The following RALA variants were observed in gnomAD, a reference collection of about 807,000 sequenced individuals.
RALA encodes ras-related protein Ral-A.
RALA carries 5 observed loss-of-function variants against 24.0 expected under a neutral mutation model. The ratio of observed to expected loss-of-function variants is 0.21; its 90% CI spans 0.11 to 0.44. The LOEUF (loss-of-function observed/expected upper bound fraction) is 0.44, where lower values mean the gene tolerates loss of function less well. Among genes scored for constraint, RALA ranks in the 20% least tolerant of loss-of-function variants. The pLI is 0.99. For missense variants in RALA, 95 were observed against 241.2 expected (o/e 0.39, Z 4.01); for synonymous variants, 77 against 83.8 (o/e 0.92, Z 0.44).
intron 1 of RALA, among the ~76,000 whole-genome samples, chr7:39,655,812 T>A (rs1466083187): frequency 6.6e-6 from 1 of 152,094 alleles, no homozygotes; most frequent in Non-Finnish European, 1.5e-5. Context: ...CCCCAAATTT[T>A]CCACAATTAT....
intron 1 of RALA, among the ~76,000 whole-genome samples, chr7:39,662,112 C>T (rs1792202482): frequency 3.9e-5 from 6 of 152,124 alleles, no homozygotes; most frequent in African/African-American, 1.4e-4. Flanking sequence ...GGCACCAAGT[C>T]CCTAGGCTAC....
intron 1 of RALA, among the ~76,000 whole-genome samples, chr7:39,660,093 C>A (rs535424467): frequency 1.8e-3 from 276 of 152,110 alleles, no homozygotes; most frequent in African/African-American, 5.9e-3. Context: ...CGACTGTAAT[C>A]CCAGCACTTT....
intron 1 of RALA, among the ~76,000 whole-genome samples, chr7:39,652,418 T>C (rs1361748579): frequency 6.6e-6 from 1 of 152,224 alleles, no homozygotes; most frequent in Non-Finnish European, 1.5e-5. Flanking sequence ...GTATAAGTTT[T>C]ATGATATTTG....
Position 39,706,441 on chromosome 7 carries a change from A to G in RALA, c.*196A>G. 1.9e-6 allele frequency: 1 copy of G among 530,926 alleles called. No individual in the cohort carries two copies. The highest frequency in any genetic ancestry group is 3.3e-6 in the Non-Finnish European group (1 of 306,250). 32.9% of individuals were successfully genotyped at this position (530,926 alleles called of 1,614,324 possible). A position where few individuals can be genotyped will look rare whatever the true frequency, so the allele number is the denominator to read the frequency against. ...ATTAATATGGCTTCACCAAGAAGCAAAGTTCAACTTATTTCATAATTGCCT... is the reference window on the plus strand; with the variant it reads ...ATTAATATGGCTTCACCAAGAAGCAGAGTTCAACTTATTTCATAATTGCCT... On this transcript the variant is annotated 3_prime_UTR_variant, in exon 5 of 5. Transcript: ENST00000005257.
At chr7:39,691,752 GGAA>G (rs1792822289) in intron 3 of RALA, among the ~76,000 whole-genome samples, 1 of 152,162 alleles carries the variant, frequency 6.6e-6, no homozygotes, top group South Asian at 2.1e-4. Context: ...GTTTCTATGA[GGAA>G]GAAATTTCAT....
At chr7:39,690,088 T>TA (rs1359787909) in intron 2 of RALA, among the ~76,000 whole-genome samples, 7 of 152,236 alleles carry the variant, frequency 4.6e-5, no homozygotes, top group Non-Finnish European at 8.8e-5. Flanking sequence ...ATAAATTTGG[T>TA]AAAATATATG....
chr7:39,639,720 C>T (rs1025855667), intron 1 of RALA, among the ~76,000 whole-genome samples: 12 of 152,004 alleles, frequency 7.9e-5, no homozygotes, highest in Non-Finnish European at 1.6e-4. Context: ...ATTTTCCAAC[C>T]TGCTTTTTCC....
chr7:39,631,914 C>G (rs2115917033), intron 1 of RALA, among the ~76,000 whole-genome samples: 1 of 152,226 alleles, frequency 6.6e-6, no homozygotes, highest in East Asian at 1.9e-4. Flanking sequence ...GGCATGACAC[C>G]AACATCTGCT....
In RALA at chr7:39,690,379, T is replaced by C; in HGVS notation, c.115-3T>C. ...AAAATTGGTGTGTTTTTATCTTTTCTAGTTTGTGGAGGACTATGAGCCTAC... is the reference window on the plus strand; with the variant it reads ...AAAATTGGTGTGTTTTTATCTTTTCCAGTTTGTGGAGGACTATGAGCCTAC... On this transcript the variant is annotated splice_region_variant and splice_polypyrimidine_tract_variant and intron_variant, in intron 2 of 4. Transcript: ENST00000005257. 6.2e-7 allele frequency: 1 copy of C among 1,600,870 alleles called. No individual in the cohort carries two copies.
intron 4 of RALA, among the ~76,000 whole-genome samples, chr7:39,699,084 A>G (rs930445974): frequency 1.7e-4 from 25 of 150,768 alleles, no homozygotes; most frequent in Non-Finnish European, 1.2e-4. Flanking sequence ...GATACCCATC[A>G]GAATTATGAC....
intron 1 of RALA, among the ~76,000 whole-genome samples, chr7:39,656,158 A>G (rs1478252054): frequency 6.6e-6 from 1 of 152,218 alleles, no homozygotes; most frequent in South Asian, 2.1e-4. Context: ...CTTGTACATT[A>G]TAGTTGCATC....
At chr7:39,662,611 C>A (rs1021814924) in intron 1 of RALA, among the ~76,000 whole-genome samples, 2 of 152,174 alleles carry the variant, frequency 1.3e-5, no homozygotes, top group Non-Finnish European at 2.9e-5. Context: ...CAATTCCCAA[C>A]AAGTTCCTCA....
chr7:39,684,140 C>A (rs565899473), intron 1 of RALA, among the ~76,000 whole-genome samples: 210 of 152,298 alleles, frequency 1.4e-3, no homozygotes, highest in African/African-American at 4.9e-3. Context: ...TAAGCACTCA[C>A]AATCTAATGG....
In RALA at chr7:39,623,884, G is replaced by A. The variant is rs1245741783; in HGVS notation, c.-38+59G>A. On this transcript the variant is annotated intron_variant, in intron 1 of 4. Coordinates refer to ENST00000005257, the MANE Select transcript of RALA (RefSeq NM_005402.4). The surrounding 1 kb of genome is among the most constrained non-coding windows in gnomAD (Gnocchi z 4.9). ...GACTGGGGCCACCCGGGCGGCGGCGGGGGTGTGTCCGGGCGGCGGCGGGCC... is the reference window on the plus strand; with the variant it reads ...GACTGGGGCCACCCGGGCGGCGGCGAGGGTGTGTCCGGGCGGCGGCGGGCC... 1 of 152,158 alleles carries A rather than the reference G, an allele frequency of 6.6e-6. No individual in the cohort carries two copies. Among genetic ancestry groups the A allele is most frequent in the Non-Finnish European group, 1.5e-5 (1 of 68,160 alleles). The allele number at this position is 152,158 out of a possible 1,614,324, so 9.4% of individuals were successfully genotyped here.
intron 1 of RALA, among the ~76,000 whole-genome samples, chr7:39,685,513 C>A (rs192359896): frequency 1.6e-4 from 25 of 152,178 alleles, no homozygotes; most frequent in Admixed American, 1.2e-3. Flanking sequence ...TGGATCTCCA[C>A]ACACGTTCAG....
intron 1 of RALA, among the ~76,000 whole-genome samples, chr7:39,636,473 C>T (rs1163673276): frequency 6.6e-6 from 1 of 152,152 alleles, no homozygotes; most frequent in African/African-American, 2.4e-5. Context: ...ATTAAGTTAT[C>T]TATATTTTAG....
intron 1 of RALA, among the ~76,000 whole-genome samples, chr7:39,657,111 C>T (rs1792111121): frequency 6.6e-6 from 1 of 152,076 alleles, no homozygotes; most frequent in Non-Finnish European, 1.5e-5. Flanking sequence ...GGATTACAGG[C>T]ACCTGCCATC....
At chr7:39,638,952 C>G (rs1329422424) in intron 1 of RALA, among the ~76,000 whole-genome samples, 1 of 152,170 alleles carries the variant, frequency 6.6e-6, no homozygotes. Flanking sequence ...ACACTGTTTT[C>G]CAGAGTGGCT....
At position 39,651,427 on chromosome 7, in the gene RALA, G is replaced by A. The variant is rs1051695625; in HGVS notation, c.-38+27602G>A. ...GGGGATTGTTGGAAGCCATCTTGGA[G>A]GCTCCTCACCACACTGATCCACTTG... On this transcript the variant is annotated intron_variant, in intron 1 of 4. Coordinates refer to ENST00000005257, the MANE Select transcript of RALA (RefSeq NM_005402.4). 1.3e-4 allele frequency among the ~76,000 whole-genome samples: 20 copies of A among 152,318 alleles called. No homozygotes were observed. In the East Asian group the frequency reaches 3.7e-3, roughly 28 times the overall value.
Sources: allele counts gnomAD v4.1 joint callset (sites outside exome capture counted in the v4.1 genomes callset), GRCh38; gene constraint gnomAD v4.1.1; non-coding constraint Gnocchi (gnomAD v3.1); transcripts MANE v1.5; gene names NCBI Gene and HGNC (gene_info 2026-07-23, HGNC 2026-07-21).